The following DGKB variants were observed in gnomAD, a reference collection of about 807,000 sequenced individuals.
DGKB encodes the protein diacylglycerol kinase beta.
Under a neutral mutation model 114.3 loss-of-function variants are expected in DGKB, and 67 were observed. The ratio of observed to expected loss-of-function variants is 0.59; its 90% CI spans 0.48 to 0.72. DGKB has a LOEUF of 0.72. Among genes scored for constraint, DGKB ranks in the 30% least tolerant of loss-of-function variants. The probability of loss-of-function intolerance (pLI) is 0.00; values close to 1 mark genes in which losing one functional copy is unlikely to be tolerated. For missense variants in DGKB, 907 were observed against 975.2 expected (o/e 0.93, Z 0.93); for synonymous variants, 398 against 323.1 (o/e 1.23, Z -2.49).
chr7:14,747,775 G>GCGCGCGCGTGCGCACACACACA, intron 4 of DGKB, among the ~76,000 whole-genome samples: 1 of 149,178 alleles, frequency 6.7e-6, no homozygotes, highest in Non-Finnish European at 1.5e-5. Context: ...ACATCCACGC[G>GCGCGCGCGTGCGCACACACACA]CACGCACACA....
chr7:14,963,365 G>T (rs1786970653), intron 1 of DGKB, among the ~76,000 whole-genome samples: 1 of 152,104 alleles, frequency 6.6e-6, no homozygotes, highest in South Asian at 2.1e-4. Context: ...AAAATCAGTT[G>T]ATGTGCACAT....
At chr7:14,602,471 TG>T (rs1315215283) in intron 17 of DGKB, among the ~76,000 whole-genome samples, 2 of 152,164 alleles carry the variant, frequency 1.3e-5, no homozygotes, top group African/African-American at 4.8e-5. Context: ...GCAATAGTAT[TG>T]GGAGGTGGGG....
intron 20 of DGKB, among the ~76,000 whole-genome samples, chr7:14,486,259 T>C (rs532052922): frequency 2.6e-5 from 4 of 152,288 alleles, no homozygotes; most frequent in African/African-American, 7.2e-5. Flanking sequence ...GGCAGCATCA[T>C]TGTTCCATCA....
At chr7:14,467,221 ATACT>A (rs1214831823) in intron 21 of DGKB, among the ~76,000 whole-genome samples, 1 of 149,270 alleles carries the variant, frequency 6.7e-6, no homozygotes, top group Non-Finnish European at 1.5e-5. Context: ...ATTTTATTAC[ATACT>A]TATTTATATA....
At chr7:14,874,220 G>A (rs17150069) in intron 1 of DGKB, among the ~76,000 whole-genome samples, 3,353 of 152,122 alleles carry the variant, frequency 0.022, 127 homozygotes, top group African/African-American at 0.076. Context: ...TCTCTGGTAA[G>A]TCTCAGGCTC....
At chr7:14,279,194 C>G (rs1799494540) in intron 23 of DGKB, among the ~76,000 whole-genome samples, 1 of 151,964 alleles carries the variant, frequency 6.6e-6, no homozygotes, top group Non-Finnish European at 1.5e-5. Flanking sequence ...AATGGCGCAC[C>G]ACGAGATTAT....
At chr7:14,456,288 A>G (rs1380907008) in intron 21 of DGKB, among the ~76,000 whole-genome samples, 2 of 152,074 alleles carry the variant, frequency 1.3e-5, no homozygotes, top group Non-Finnish European at 2.9e-5. Flanking sequence ...AATAGTTAGG[A>G]TCCCAAGCAT....
upstream of DGKB, among the ~76,000 whole-genome samples, chr7:14,905,398 A>T (rs1484466455): frequency 6.6e-6 from 1 of 152,072 alleles, no homozygotes; most frequent in African/African-American, 2.4e-5. Flanking sequence ...ATAACTCAAG[A>T]TTTTCCATTT....
At chr7:14,598,730 A>G (rs562910289) in intron 17 of DGKB, among the ~76,000 whole-genome samples, 27 of 152,276 alleles carry the variant, frequency 1.8e-4, no homozygotes, top group Middle Eastern at 3.4e-3. Context: ...TCTATTATAA[A>G]GTAAATATTT....
chr7:14,157,998 C>T (rs1445905004), intron 25 of DGKB, among the ~76,000 whole-genome samples: 1 of 151,930 alleles, frequency 6.6e-6, no homozygotes, highest in Admixed American at 6.6e-5. Flanking sequence ...GGACATAGAC[C>T]CAGGACATGA....
chr7:14,317,802 A>T (rs1806882107), intron 23 of DGKB, among the ~76,000 whole-genome samples: 2 of 71,806 alleles, frequency 2.8e-5, no homozygotes, highest in Admixed American at 3.0e-4. Flanking sequence ...GTTCATATGG[A>T]ACCAAAAAAG....
At chr7:14,415,118 A>C (rs1825505029) in intron 21 of DGKB, among the ~76,000 whole-genome samples, 1 of 151,898 alleles carries the variant, frequency 6.6e-6, no homozygotes, top group South Asian at 2.1e-4. Flanking sequence ...TATATAATAC[A>C]TATTATATAA....
intron 2 of DGKB, among the ~76,000 whole-genome samples, chr7:14,805,596 T>C (rs1332791589): frequency 1.3e-5 from 2 of 152,048 alleles, no homozygotes; most frequent in African/African-American, 4.8e-5. Context: ...TGTGTGCGTA[T>C]TTGGCTACAT....
intron 21 of DGKB, among the ~76,000 whole-genome samples, chr7:14,443,278 G>A (rs1267928438): frequency 1.3e-5 from 2 of 152,020 alleles, no homozygotes; most frequent in Non-Finnish European, 1.5e-5. Context: ...TTACACGTTC[G>A]AATTTTACTT....
intron 21 of DGKB, among the ~76,000 whole-genome samples, chr7:14,427,765 C>T (rs898619706): frequency 6.6e-6 from 1 of 152,070 alleles, no homozygotes; most frequent in Admixed American, 6.6e-5. Context: ...GAGAACAGCA[C>T]AGGAAAGAAC....
At chr7:14,288,234 A>ATTTT (rs1357871823) in intron 23 of DGKB, among the ~76,000 whole-genome samples, 4 of 75,768 alleles carry the variant, frequency 5.3e-5, no homozygotes, top group Non-Finnish European at 8.3e-5. Flanking sequence ...TTTTTTTTTA[A>ATTTT]TTTTTTTTTT....
chr7:14,818,823 T>C (rs1457484141), intron 2 of DGKB, among the ~76,000 whole-genome samples: 1 of 152,104 alleles, frequency 6.6e-6, no homozygotes, highest in Non-Finnish European at 1.5e-5. Context: ...AAATTCTACA[T>C]ATTAGGGGTG....
intron 2 of DGKB, among the ~76,000 whole-genome samples, chr7:14,776,688 G>A (rs931606739): frequency 6.6e-6 from 1 of 152,244 alleles, no homozygotes; most frequent in African/African-American, 2.4e-5. Flanking sequence ...GGAAATGCCT[G>A]GATGTCCAGG....
At chr7:14,843,359 G>A (rs1322942629) in intron 1 of DGKB, among the ~76,000 whole-genome samples, 3 of 103,360 alleles carry the variant, frequency 2.9e-5, no homozygotes, top group Middle Eastern at 0.013. Flanking sequence ...ACGGAGTCTC[G>A]CTCTGTCGCC....
Sources: allele counts gnomAD v4.1 joint callset (sites outside exome capture counted in the v4.1 genomes callset), GRCh38; gene constraint gnomAD v4.1.1; transcripts MANE v1.5; gene names NCBI Gene and HGNC (gene_info 2026-07-23, HGNC 2026-07-21).